The following RFTN2 variants were observed in gnomAD, a reference collection of about 807,000 sequenced individuals.
RFTN2 encodes raftlin family member 2.
Under a neutral mutation model 52.7 loss-of-function variants are expected in RFTN2, and 34 were observed. The observed-to-expected ratio is 0.64, with a 90% confidence interval of 0.49 to 0.86. The LOEUF is 0.86. RFTN2 is among the 40% of genes least tolerant of loss of function. The probability of loss-of-function intolerance (pLI) is 0.00; values close to 1 mark genes in which losing one functional copy is unlikely to be tolerated. For synonymous variants in RFTN2, 203 were observed against 217.7 expected (o/e 0.93, Z 0.59); for missense variants, 536 against 600.1 (o/e 0.89, Z 1.12).
chr2:197,573,071 G>T (rs555037316), intron 8 of RFTN2, among the ~76,000 whole-genome samples: 3 of 148,332 alleles, frequency 2.0e-5, no homozygotes, highest in African/African-American at 5.0e-5. Context: ...GATGAGAACA[G>T]ACTAATACAG....
intron 4 of RFTN2, among the ~76,000 whole-genome samples, chr2:197,632,794 G>A (rs1342394366): frequency 6.6e-6 from 1 of 152,148 alleles, no homozygotes; most frequent in East Asian, 1.9e-4. Flanking sequence ...TGTATAGGAT[G>A]CTAAGCACAT....
At chr2:197,670,975 C>T (rs867449489) in intron 1 of RFTN2, among the ~76,000 whole-genome samples, 1 of 152,114 alleles carries the variant, frequency 6.6e-6, no homozygotes, top group African/African-American at 2.4e-5. Flanking sequence ...TCATATCTAC[C>T]CCTTGTATCC....
At chr2:197,573,089 G>T in intron 8 of RFTN2, among the ~76,000 whole-genome samples, 1 of 149,454 alleles carries the variant, frequency 6.7e-6, no homozygotes, top group Non-Finnish European at 1.5e-5. Flanking sequence ...CAGTAAATTG[G>T]TACTAGTAGA....
At chr2:197,668,549 C>T (rs1423306543) in intron 1 of RFTN2, among the ~76,000 whole-genome samples, 1 of 152,136 alleles carries the variant, frequency 6.6e-6, no homozygotes, top group Non-Finnish European at 1.5e-5. Context: ...ATGCCTCAGC[C>T]CAGAGGCATG....
chr2:197,671,292 T>G (rs1470646185), intron 1 of RFTN2, among the ~76,000 whole-genome samples: 4 of 152,248 alleles, frequency 2.6e-5, no homozygotes, highest in African/African-American at 9.6e-5. Context: ...AATCTCTTAA[T>G]CTTTTTCTGT....
intron 5 of RFTN2, among the ~76,000 whole-genome samples, chr2:197,618,330 C>T (rs370463878): frequency 3.3e-5 from 5 of 152,108 alleles, no homozygotes; most frequent in South Asian, 4.2e-4. Context: ...GCGAGTGATC[C>T]GCCAGCCTCG....
intron 4 of RFTN2, 125 bp from the exon 5 acceptor site, chr2:197,631,345 A>G: frequency 1.4e-6 from 1 of 733,508 alleles, no homozygotes; most frequent in Non-Finnish European, 2.4e-6. Flanking sequence ...TCAAATGTCA[A>G]TAATATGCTA....
chr2:197,598,738 A>G (rs901586760), intron 7 of RFTN2, among the ~76,000 whole-genome samples: 7 of 152,174 alleles, frequency 4.6e-5, no homozygotes, highest in Non-Finnish European at 1.0e-4. Context: ...CCTGATGCAC[A>G]GTAAATTTGG....
chr2:197,606,849 T>C (rs1285358346), intron 7 of RFTN2, among the ~76,000 whole-genome samples: 1 of 151,610 alleles, frequency 6.6e-6, no homozygotes, highest in African/African-American at 2.4e-5. Context: ...GGAGAGGATG[T>C]GGAGAAATAG....
intron 8 of RFTN2, among the ~76,000 whole-genome samples, chr2:197,586,138 G>A (rs2087593533): frequency 6.6e-6 from 1 of 152,162 alleles, no homozygotes; most frequent in African/African-American, 2.4e-5. Flanking sequence ...TGCTTACGAA[G>A]GCACTTACCC....
At chr2:197,640,564 A>G (rs1336030672) in intron 3 of RFTN2, among the ~76,000 whole-genome samples, 17 of 152,344 alleles carry the variant, frequency 1.1e-4, no homozygotes, top group South Asian at 4.1e-4. Flanking sequence ...GCGCTTCCCA[A>G]GTGAGGCAAT....
intron 1 of RFTN2, among the ~76,000 whole-genome samples, chr2:197,664,867 G>A (rs2089029446): frequency 1.3e-5 from 2 of 152,218 alleles, no homozygotes; most frequent in East Asian, 3.8e-4. Context: ...ATAAGAATGT[G>A]TACTCTGAAG....
At chr2:197,573,355 T>C (rs964643285) in intron 8 of RFTN2, among the ~76,000 whole-genome samples, 27 of 152,230 alleles carry the variant, frequency 1.8e-4, no homozygotes, top group African/African-American at 6.3e-4. Flanking sequence ...AAGGTGTCTC[T>C]TGCTATGTTT....
intron 5 of RFTN2, among the ~76,000 whole-genome samples, chr2:197,618,528 C>G (rs1295473413): frequency 1.3e-5 from 2 of 152,156 alleles, no homozygotes; most frequent in African/African-American, 4.8e-5. Context: ...AAGTGAGGAG[C>G]GTCTCCGCCT....
chr2:197,583,573 A>G (rs2087544831), intron 8 of RFTN2, among the ~76,000 whole-genome samples: 1 of 151,756 alleles, frequency 6.6e-6, no homozygotes, highest in Admixed American at 6.6e-5. Flanking sequence ...TCTTTTAAAG[A>G]CACACTTCAC....
intron 1 of RFTN2, among the ~76,000 whole-genome samples, chr2:197,647,370 C>T (rs923299574): frequency 7.2e-5 from 11 of 152,018 alleles, no homozygotes; most frequent in South Asian, 4.1e-4. Context: ...CCACCACACC[C>T]GGCTGAGTTT....
At chr2:197,632,993 T>C (rs2088491806) in intron 4 of RFTN2, among the ~76,000 whole-genome samples, 1 of 152,224 alleles carries the variant, frequency 6.6e-6, no homozygotes, top group Admixed American at 6.5e-5. Flanking sequence ...TACCCCTTTT[T>C]ATAAAGAAAT....
chr2:197,651,535 C>T (rs1015891654), intron 1 of RFTN2, among the ~76,000 whole-genome samples: 5 of 152,148 alleles, frequency 3.3e-5, no homozygotes, highest in African/African-American at 1.2e-4. Flanking sequence ...AGGAGAATCG[C>T]TTGAACCCGG....
intron 4 of RFTN2, 129 bp from the exon 5 acceptor site, chr2:197,631,349 T>C: frequency 1.4e-6 from 1 of 728,706 alleles, no homozygotes; most frequent in Admixed American, 2.4e-5. Flanking sequence ...ATGTCAATAA[T>C]ATGCTATATT....
Sources: allele counts gnomAD v4.1 joint callset (sites outside exome capture counted in the v4.1 genomes callset), GRCh38; gene constraint gnomAD v4.1.1; transcripts MANE v1.5; gene names NCBI Gene and HGNC (gene_info 2026-07-23, HGNC 2026-07-21).